LYPLAL1: variants seen among roughly 807,000 people sequenced by gnomAD.
LYPLAL1 encodes the protein lysophospholipase-like protein 1.
Under a neutral mutation model 19.7 loss-of-function variants are expected in LYPLAL1, and 23 were observed. The observed-to-expected ratio is 1.17, with a 90% CI of 0.84 to 1.65. The LOEUF (loss-of-function observed/expected upper bound fraction) is 1.65. LYPLAL1 is among the 40% of genes most tolerant of loss of function. The pLI, the probability that LYPLAL1 is intolerant of heterozygous loss-of-function variation, is 0.00. For missense variants in LYPLAL1, 355 were observed against 279.4 expected (o/e 1.27, Z -1.93); for synonymous variants, 119 against 96.3 (o/e 1.24, Z -1.38).
At chr1:219,292,166 T>C in the LYPLAL1 span, among the ~76,000 whole-genome samples, 1 of 152,142 alleles carries the variant, frequency 6.6e-6, no homozygotes, top group Non-Finnish European at 1.5e-5. Context: ...CTTCTGATCC[T>C]CAAATCTCAG....
At chr1:219,179,775 G>A (rs558783732) in intron 2 of LYPLAL1, among the ~76,000 whole-genome samples, 1 of 152,134 alleles carries the variant, frequency 6.6e-6, no homozygotes, top group African/African-American at 2.4e-5. Context: ...TAACCTGTAG[G>A]TGTGTGCAAA....
At chr1:219,239,796 A>G in the LYPLAL1 span, among the ~76,000 whole-genome samples, 6 of 152,236 alleles carry the variant, frequency 3.9e-5, no homozygotes, top group African/African-American at 1.4e-4. Flanking sequence ...AAGTTAAATT[A>G]CAGCATTTTC....
chr1:219,412,467 G>A, the LYPLAL1 span, among the ~76,000 whole-genome samples: 3 of 152,158 alleles, frequency 2.0e-5, no homozygotes, highest in Admixed American at 6.5e-5. Context: ...AGAAACTATA[G>A]TGTGTACCTC....
the LYPLAL1 span, chr1:219,270,693 G>A: frequency 6.6e-6 from 1 of 152,192 alleles, no homozygotes; most frequent in African/African-American, 2.4e-5. Context: ...ATCTGTGCAA[G>A]TTTCCAGCTT....
At chr1:219,263,906 C>A in the LYPLAL1 span, among the ~76,000 whole-genome samples, 3 of 152,130 alleles carry the variant, frequency 2.0e-5, no homozygotes, top group Non-Finnish European at 4.4e-5. Context: ...CAGTGGCCAG[C>A]CACTTCTTCC....
At chr1:219,291,574 T>C in the LYPLAL1 span, among the ~76,000 whole-genome samples, 1 of 152,158 alleles carries the variant, frequency 6.6e-6, no homozygotes, top group Non-Finnish European at 1.5e-5. Flanking sequence ...TTTCACCAGG[T>C]CTCCTGACTC....
At chr1:219,396,904 A>C in the LYPLAL1 span, among the ~76,000 whole-genome samples, 4 of 152,030 alleles carry the variant, frequency 2.6e-5, no homozygotes, top group African/African-American at 4.8e-5. Flanking sequence ...GGATGCCTTT[A>C]TTTCTTTCTC....
chr1:219,339,261 C>T, the LYPLAL1 span, among the ~76,000 whole-genome samples: 43 of 152,102 alleles, frequency 2.8e-4, 1 homozygote, highest in Non-Finnish European at 5.7e-4. Context: ...TCCTCTTCCT[C>T]CATGACATCC....
At chr1:219,305,630 G>A in the LYPLAL1 span, among the ~76,000 whole-genome samples, 1 of 152,160 alleles carries the variant, frequency 6.6e-6, no homozygotes, top group Admixed American at 6.5e-5. Flanking sequence ...TGGCACAATG[G>A]CAGAAAGTGA....
At chr1:219,209,029 A>T (rs1367839461) in intron 3 of LYPLAL1, among the ~76,000 whole-genome samples, 2 of 152,100 alleles carry the variant, frequency 1.3e-5, no homozygotes, top group African/African-American at 4.8e-5. Context: ...CAAATTTTAC[A>T]TACAGTGTTA....
At chr1:219,400,978 A>G in the LYPLAL1 span, among the ~76,000 whole-genome samples, 1 of 152,232 alleles carries the variant, frequency 6.6e-6, no homozygotes, top group Non-Finnish European at 1.5e-5. Context: ...ATTACCTTGT[A>G]TCTCAGTCTA....
the LYPLAL1 span, among the ~76,000 whole-genome samples, chr1:219,419,041 A>G: frequency 3.3e-5 from 5 of 152,170 alleles, no homozygotes; most frequent in Non-Finnish European, 5.9e-5. Context: ...CAGTTTATGT[A>G]TCCATTCACT....
chr1:219,215,449 A>G (rs1232825030), downstream of LYPLAL1, among the ~76,000 whole-genome samples: 1 of 151,726 alleles, frequency 6.6e-6, no homozygotes, highest in African/African-American at 2.4e-5. Context: ...ATAATTTCTC[A>G]CGTGTCTTGT....
intron 3 of LYPLAL1, among the ~76,000 whole-genome samples, chr1:219,205,129 G>A (rs1379119711): frequency 4.0e-5 from 6 of 151,722 alleles, no homozygotes; most frequent in South Asian, 2.1e-4. Flanking sequence ...AGGCCGAGGC[G>A]GGTGGATCAT....
At chr1:219,306,056 C>A in the LYPLAL1 span, among the ~76,000 whole-genome samples, 3 of 152,164 alleles carry the variant, frequency 2.0e-5, no homozygotes, top group African/African-American at 7.2e-5. Flanking sequence ...CGTTTTCTAA[C>A]AGACAATGAA....
At chr1:219,186,002 G>T (rs557076126) in intron 2 of LYPLAL1, among the ~76,000 whole-genome samples, 1 of 151,938 alleles carries the variant, frequency 6.6e-6, no homozygotes, top group East Asian at 1.9e-4. Context: ...AGGGCATGTG[G>T]GATGGAAGGT....
At chr1:219,380,389 T>C in the LYPLAL1 span, among the ~76,000 whole-genome samples, 1 of 152,124 alleles carries the variant, frequency 6.6e-6, no homozygotes. Flanking sequence ...CACAAGCCAA[T>C]GGGAGTCCCC....
At chr1:219,426,493 T>C in the LYPLAL1 span, among the ~76,000 whole-genome samples, 4 of 152,226 alleles carry the variant, frequency 2.6e-5, no homozygotes, top group Non-Finnish European at 4.4e-5. Flanking sequence ...GCAGGATTAT[T>C]GATATTAGAG....
At chr1:219,255,469 A>G in the LYPLAL1 span, among the ~76,000 whole-genome samples, 1 of 151,968 alleles carries the variant, frequency 6.6e-6, no homozygotes, top group African/African-American at 2.4e-5. Context: ...CAAACTTGCT[A>G]AATTCACTTA....
Sources: gnomAD v4.1 joint callset for allele counts (sites outside exome capture counted in the v4.1 genomes callset) on GRCh38, gnomAD v4.1.1 for gene constraint, MANE v1.5 for transcripts, NCBI Gene and HGNC (gene_info 2026-07-23, HGNC 2026-07-21) for gene names.